The following TRPC1 variants were observed in gnomAD, a reference collection of about 807,000 sequenced individuals.
TRPC1 encodes the protein short transient receptor potential channel 1.
TRPC1 carries 42 observed loss-of-function variants against 88.2 expected under a neutral mutation model. The observed-to-expected ratio is 0.48, with a 90% CI of 0.37 to 0.62. TRPC1 has a LOEUF of 0.62. Among genes scored for constraint, TRPC1 ranks in the 20% least tolerant of loss-of-function variants. The probability of loss-of-function intolerance (pLI) is 0.00; values close to 1 mark genes in which losing one functional copy is unlikely to be tolerated. For synonymous variants in TRPC1, 288 were observed against 331.8 expected (o/e 0.87, Z 1.43); for missense variants, 699 against 957.3 (o/e 0.73, Z 3.56).
At chr3:142,805,742 G>A (rs531665397) in intron 12 of TRPC1, among the ~76,000 whole-genome samples, 4 of 152,194 alleles carry the variant, frequency 2.6e-5, no homozygotes, top group South Asian at 2.1e-4. Context: ...TGGCTTGTGG[G>A]TTGTAGTTTG....
rs756737370 is a variant in TRPC1, at chr3:142,724,544, C to T, written c.-16C>T. The T allele has an allele frequency of 2.5e-5, 39 of 1,553,426 alleles. No individual in the cohort carries two copies. The highest frequency in any genetic ancestry group is 3.3e-5 in the Non-Finnish European group (38 of 1,151,732). On this transcript the variant is annotated 5_prime_UTR_variant, in exon 1 of 13. Coordinates refer to ENST00000476941, the MANE Select transcript of TRPC1 (RefSeq NM_001251845.2). This position sits in a 1 kb window ranked among gnomAD's most constrained non-coding sequence, Gnocchi z 5.6. Reference sequence around the variant, plus strand: ...CCCCGCCCCCGTCTCCTGGCCTGCCCCCTTCATGGGCCGCGATGATGGCGG... The same window carrying T: ...CCCCGCCCCCGTCTCCTGGCCTGCCTCCTTCATGGGCCGCGATGATGGCGG...
chr3:142,793,794 A>T, intron 9 of TRPC1: 1 of 898,204 alleles, frequency 1.1e-6, no homozygotes, highest in Non-Finnish European at 1.3e-6. Flanking sequence ...TCATATTTTT[A>T]AAGGTGATAT....
intron 9 of TRPC1, among the ~76,000 whole-genome samples, chr3:142,794,633 G>C (rs750305857): frequency 1.3e-5 from 2 of 152,112 alleles, no homozygotes; most frequent in Non-Finnish European, 2.9e-5. Flanking sequence ...TCTGGATTTA[G>C]CAGCACAGAA....
chr3:142,742,698 A>C (rs1354696923), intron 2 of TRPC1, among the ~76,000 whole-genome samples: 2 of 152,146 alleles, frequency 1.3e-5, no homozygotes, highest in Non-Finnish European at 2.9e-5. Flanking sequence ...ATTTATCCCC[A>C]TGTTTTCCTT....
In TRPC1 at chr3:142,792,850, T is replaced by C; in HGVS notation, c.1464T>C (p.Asp488=). ...TTCATGATTTTGCTGATCGGAAGGA[T>C]TGGGATGCATTCCATCCTACACTGG... ...NKFHDFADRK[D]WDAFHPTLVA... is the part of the protein sequence containing the mutation. Residue 488 remains aspartate, a synonymous_variant, in exon 9 of 13, where the codon GAT becomes GAC. Transcript: ENST00000476941. The surrounding 1 kb of genome is among the most constrained non-coding windows in gnomAD (Gnocchi z 4.0). 1.3e-6 allele frequency: 2 copies of C among 1,599,172 alleles called. No individual in the cohort carries two copies. Among genetic ancestry groups the C allele is most frequent in the Non-Finnish European group, 1.7e-6 (2 of 1,172,470 alleles).
chr3:142,728,536 GTC>G (rs1933773032), intron 1 of TRPC1, among the ~76,000 whole-genome samples: 1 of 152,036 alleles, frequency 6.6e-6, no homozygotes, highest in African/African-American at 2.4e-5. Flanking sequence ...GGCCAGGCTG[GTC>G]TCAAACTCCC....
In TRPC1 at chr3:142,807,655, T is replaced by G. The variant is rs1241978422; in HGVS notation, c.*1420T>G. 6.6e-6 allele frequency: 1 copy of G among 152,232 alleles called. No homozygotes were observed. Among genetic ancestry groups the G allele is most frequent in the East Asian group, 1.9e-4 (1 of 5,204 alleles). The allele number at this position is 152,232 out of a possible 1,614,324, so 9.4% of individuals were successfully genotyped here. A position where few individuals can be genotyped will look rare whatever the true frequency, so the allele number is the denominator to read the frequency against. Reference sequence around the variant, plus strand: ...TTAAGTGTTCCCTCTTTGGGGCAAATTCTTATAAAAATGTTTATTGTAAAG... The same window carrying G: ...TTAAGTGTTCCCTCTTTGGGGCAAAGTCTTATAAAAATGTTTATTGTAAAG... On this transcript the variant is annotated 3_prime_UTR_variant, in exon 13 of 13. Transcript: ENST00000476941.
chr3:142,783,990 C>T (rs181174593), intron 6 of TRPC1, among the ~76,000 whole-genome samples: 46 of 152,216 alleles, frequency 3.0e-4, no homozygotes, highest in African/African-American at 1.1e-3. Flanking sequence ...TAAAATTTTT[C>T]TCATATTTGG....
chr3:142,732,828 C>T (rs1933975856), intron 1 of TRPC1, among the ~76,000 whole-genome samples: 1 of 152,140 alleles, frequency 6.6e-6, no homozygotes. Context: ...AAATGAATGG[C>T]ATTTATATAT....
chr3:142,775,585 C>T (rs1038714940), intron 4 of TRPC1, among the ~76,000 whole-genome samples: 1 of 152,018 alleles, frequency 6.6e-6, no homozygotes, highest in East Asian at 1.9e-4. Flanking sequence ...CGCTGCTGCA[C>T]TCCAGCCTGG....
chr3:142,780,869 T>C lies in TRPC1; in HGVS notation c.800T>C (p.Met267Thr). Residue 267 changes from methionine (M) to threonine (T), a missense_variant, in exon 6 of 13, where the codon ATG becomes ACG. By Grantham distance (81) the Met-to-Thr change is moderately conservative (BLOSUM62 -1). Coordinates refer to ENST00000476941, the MANE Select transcript of TRPC1 (RefSeq NM_001251845.2). ...DYEELARQCK[M>T]FAKDLLAQAR... ...GAGGAACTAGCCCGGCAATGTAAAA[T>C]GTTTGCTAAGGATTTACTTGCACAA... The C allele has an allele frequency of 2.5e-6, 4 of 1,612,534 alleles. No individual in the cohort carries two copies. The highest frequency in any genetic ancestry group is 3.4e-6 in the Non-Finnish European group (4 of 1,179,200).
intron 7 of TRPC1, among the ~76,000 whole-genome samples, chr3:142,788,147 C>T (rs1215002300): frequency 1.3e-5 from 2 of 152,112 alleles, no homozygotes; most frequent in African/African-American, 4.8e-5. Flanking sequence ...CTGAAGTAGG[C>T]AAGTGACATG....
intron 7 of TRPC1, among the ~76,000 whole-genome samples, chr3:142,787,146 T>G (rs1263473737): frequency 6.6e-6 from 1 of 152,214 alleles, no homozygotes; most frequent in Admixed American, 6.5e-5. Flanking sequence ...GCATGTGCAT[T>G]AAGCCAGTAA....
intron 4 of TRPC1, among the ~76,000 whole-genome samples, chr3:142,769,312 G>A (rs1269988122): frequency 6.6e-6 from 1 of 151,964 alleles, no homozygotes; most frequent in Non-Finnish European, 1.5e-5. Context: ...ACTGTTTTAA[G>A]GTAGAAAGTC....
intron 2 of TRPC1, among the ~76,000 whole-genome samples, chr3:142,738,294 C>G (rs1012408438): frequency 6.6e-6 from 1 of 152,152 alleles, no homozygotes; most frequent in Non-Finnish European, 1.5e-5. Flanking sequence ...CTTATTTTAT[C>G]AGTCCACAAA....
intron 4 of TRPC1, among the ~76,000 whole-genome samples, chr3:142,775,748 G>A (rs1344974436): frequency 1.3e-5 from 2 of 151,672 alleles, no homozygotes; most frequent in African/African-American, 4.8e-5. Context: ...ATATGAACAG[G>A]CAAGTTACAG....
At chr3:142,766,426 A>G (rs1935391725) in intron 4 of TRPC1, among the ~76,000 whole-genome samples, 1 of 145,164 alleles carries the variant, frequency 6.9e-6, no homozygotes, top group South Asian at 2.2e-4. Flanking sequence ...TTTGAGATGG[A>G]GTCTCACTGT....
chr3:142,760,874 G>T (rs567279277), intron 4 of TRPC1, among the ~76,000 whole-genome samples: 4 of 151,836 alleles, frequency 2.6e-5, no homozygotes, highest in South Asian at 2.1e-4. Flanking sequence ...TTGCTTTTTT[G>T]ATTTCTTTTT....
chr3:142,805,167 CACAT>C lies in TRPC1; in HGVS notation c.2154+539_2154+542del, dbSNP rs1193999746. On this transcript the variant is annotated intron_variant, in intron 12 of 12. Transcript: ENST00000476941. ...ACACACACACACACACACACACACA[CACAT>C]ATAATTATTAAGAATGGGAGATAGT... 7.7e-5 allele frequency among the ~76,000 whole-genome samples: 11 copies of C among 143,108 alleles called. No individual in the cohort carries two copies. The South Asian group carries it at 8.8e-4, about 11-fold the overall frequency. The allele number at this position is 143,108 out of a possible 152,430, so 93.9% of individuals were successfully genotyped here.
Sources: allele counts gnomAD v4.1 joint callset (sites outside exome capture counted in the v4.1 genomes callset), GRCh38; gene constraint gnomAD v4.1.1; non-coding constraint Gnocchi (gnomAD v3.1); transcripts MANE v1.5; gene names NCBI Gene and HGNC (gene_info 2026-07-23, HGNC 2026-07-21).